Variants in OFD1 observed in about 807,000 individuals in gnomAD.
OFD1 encodes the protein OFD1 centriole and centriolar satellite protein.
Under a neutral mutation model 81.4 loss-of-function variants are expected in OFD1, and 12 were observed. That is an observed-to-expected ratio of 0.15 (90% confidence interval 0.09 to 0.24). OFD1 has a LOEUF of 0.24. OFD1 is among the 10% of genes least tolerant of loss of function. OFD1 has a pLI of 1.00. For synonymous variants in OFD1, 256 were observed against 263.7 expected (o/e 0.97, Z 0.28); for missense variants, 685 against 733.9 (o/e 0.93, Z 0.77).
intron 2 of OFD1, among the ~76,000 whole-genome samples, chrX:13,735,917 G>C (rs1027397178): frequency 4.0e-4 from 45 of 111,893 alleles, no homozygotes; most frequent in African/African-American, 1.5e-3. Context: ...CATATTTTAC[G>C]TTTAAAATAT....
At chrX:13,769,657 TAGAA>T (rs1169429034), downstream of OFD1, among the ~76,000 whole-genome samples, 10 of 111,948 alleles carry the variant, frequency 8.9e-5, no homozygotes, top group African/African-American at 3.2e-4. Flanking sequence ...CCCCGTGTGA[TAGAA>T]TTAAGAGGTG....
At position 13,736,318 on chromosome X, in the gene OFD1, A is replaced by G; in HGVS notation, c.112-160A>G. 2.7e-6 allele frequency: 3 copies of G among 1,093,008 alleles called. No homozygotes were observed. The South Asian group carries it at 6.8e-5, about 25-fold the overall frequency. 90.1% of individuals were successfully genotyped at this position (1,093,008 alleles called of 1,213,427 possible). A position where few individuals can be genotyped will look rare whatever the true frequency, so the allele number is the denominator to read the frequency against. ...CGGGGTAAGACAAAGTGTGCAGGGG[A>G]AGGTTTCTAACTTCTGGCCATGGAT... On this transcript the variant is annotated intron_variant, in intron 2 of 22. Transcript: ENST00000340096.
Position 13,755,206 on chromosome X carries a change from A to G in OFD1, c.1185A>G (p.Glu395=), listed in dbSNP as rs1414806076. 1.7e-6 allele frequency: 2 copies of G among 1,204,052 alleles called. No homozygotes were observed. Among genetic ancestry groups the G allele is most frequent in the East Asian group, 5.9e-5 (2 of 33,816 alleles). Residue 395 remains glutamate, a synonymous_variant, in exon 12 of 23, where the codon GAA becomes GAG. Coordinates refer to ENST00000340096, the MANE Select transcript of OFD1 (RefSeq NM_003611.3). The stretch of plus-strand genomic sequence containing the variant: ...TAGCTATTAATTCAAAAAAGGAGGA[A>G]CTCAATCAATCTGTAAATCGTGTGA... The part of the protein sequence containing the change: ...ELIAINSKKE[E]LNQSVNRVKE...
chrX:13,747,076 G>C, intron 8 of OFD1, 123 bp downstream of exon 8: 1 of 633,439 alleles, frequency 1.6e-6, no homozygotes, highest in Non-Finnish European at 2.6e-6. Flanking sequence ...TAGGGACTGG[G>C]GCCAAGAGTG....
intron 19 of OFD1, among the ~76,000 whole-genome samples, chrX:13,765,831 A>G (rs2048105432): frequency 8.9e-6 from 1 of 112,336 alleles, no homozygotes; most frequent in African/African-American, 3.2e-5. Flanking sequence ...CCTGGAAGGA[A>G]TAGAAGTGGA....
chrX:13,758,059 C>T (rs763333676), intron 14 of OFD1, among the ~76,000 whole-genome samples: 4 of 111,415 alleles, frequency 3.6e-5, no homozygotes, highest in Non-Finnish European at 7.5e-5. Context: ...TGTTATCTCT[C>T]GATTCTCACC....
At chrX:13,765,930 A>G (rs1397079886) in intron 19 of OFD1, among the ~76,000 whole-genome samples, 3 of 112,165 alleles carry the variant, frequency 2.7e-5, no homozygotes, top group African/African-American at 6.5e-5. Flanking sequence ...CTTCAGGAAT[A>G]AGGAGGAGGT....
chrX:13,723,187 C>A, the OFD1 span, among the ~76,000 whole-genome samples: 1 of 111,037 alleles, frequency 9.0e-6, no homozygotes, highest in Non-Finnish European at 1.9e-5. Context: ...GGCCACAGTA[C>A]TAGACAGCAC....
downstream of OFD1, chrX:13,771,933 A>G (rs1319585889): frequency 8.9e-6 from 1 of 112,623 alleles, no homozygotes; most frequent in African/African-American, 3.2e-5. Flanking sequence ...TAGGTTTTAG[A>G]TAGTTGGTAT....
chrX:13,743,993 T>A (rs2047200721), intron 5 of OFD1, among the ~76,000 whole-genome samples: 1 of 112,124 alleles, frequency 8.9e-6, no homozygotes. Flanking sequence ...TTTCTCAGAT[T>A]TATTAAAAGA....
Position 13,746,344 on chromosome X carries a change from T to A in OFD1, c.543T>A (p.Asp181Glu). 2.5e-6 allele frequency: 3 copies of A among 1,205,405 alleles called. No individual in the cohort carries two copies. Among genetic ancestry groups the A allele is most frequent in the Non-Finnish European group, 3.4e-6 (3 of 890,614 alleles). ...SLAEKLQLID[D>E]QFADAYPQRI... ...CTGAGAAGCTTCAGCTTATTGATGA[T>A]CAGTTTGCAGATGCTTACCCTCAGC... The change falls in exon 7 of 23, where the codon GAT becomes GAA. Residue 181 changes from aspartate to glutamate, a missense_variant. Transcript: ENST00000340096.
chrX:13,773,686 T>G (rs73451159), downstream of OFD1: 1,884 of 111,490 alleles, frequency 0.017, 35 homozygotes, highest in African/African-American at 0.059. Context: ...CGGCAAACAC[T>G]TCTTTCCTAT....
the OFD1 span, among the ~76,000 whole-genome samples, chrX:13,722,839 G>A: frequency 0.29 from 32,248 of 110,207 alleles, 3,594 homozygotes; most frequent in Non-Finnish European, 0.33. Flanking sequence ...CAAGGTGGGC[G>A]GATCACGAGG....
chrX:13,753,751 C>G (rs2047591097), intron 11 of OFD1, among the ~76,000 whole-genome samples: 1 of 111,932 alleles, frequency 8.9e-6, no homozygotes, highest in Non-Finnish European at 1.9e-5. Context: ...CAACTTATTG[C>G]TGTCAAGTAC....
At chrX:13,751,716 C>T (rs1307699677) in intron 10 of OFD1, among the ~76,000 whole-genome samples, 2 of 111,545 alleles carry the variant, frequency 1.8e-5, no homozygotes, top group Non-Finnish European at 3.8e-5. Context: ...CACTTGTAAT[C>T]CCAGCTACTG....
chrX:13,727,742 C>CT, the OFD1 span, among the ~76,000 whole-genome samples: 42 of 111,836 alleles, frequency 3.8e-4, no homozygotes, highest in African/African-American at 1.3e-3. Context: ...CAAGAAATAA[C>CT]TAAGATCAGA....
In OFD1 at chrX:13,734,833, GGT is replaced by G. The variant is rs1288436366; in HGVS notation, c.-238_-237del. On this transcript the variant is annotated 5_prime_UTR_variant, in exon 1 of 23. Coordinates refer to ENST00000340096, the MANE Select transcript of OFD1 (RefSeq NM_003611.3). ...TCCAGCCGCCTTTGAGTCGTGCCTG[GGT>G]CCTCGCCCTTGCCTCAGAACCGCGA... 4.5e-5 allele frequency: 49 copies of G among 1,079,183 alleles called. No individual in the cohort carries two copies. Among genetic ancestry groups the G allele is most frequent in the Non-Finnish European group, 5.7e-5 (48 of 838,013 alleles). 88.9% of individuals were successfully genotyped at this position (1,079,183 alleles called of 1,213,427 possible).
chrX:13,751,295 C>G lies in OFD1; in HGVS notation c.982C>G (p.Leu328Val). Residue 328 changes from leucine (L) to valine (V), a missense_variant, in exon 10 of 23, where the codon CTT (leucine) becomes GTT (valine). Around this residue, in one of 3 missense-constraint regions of OFD1, gnomAD observed 414 missense variants for 447.2 expected, o/e 0.93. Coordinates refer to ENST00000340096, the MANE Select transcript of OFD1 (RefSeq NM_003611.3). ...AAAACATAAAAGCATAACTGAGGCACTTAGGAGACAGGAGCAGAATATAAA... is the reference window on the plus strand; with the variant it reads ...AAAACATAAAAGCATAACTGAGGCAGTTAGGAGACAGGAGCAGAATATAAA... ...EEKHKSITEA[L>V]RRQEQNIKSF... 1 of 1,204,575 alleles carries G rather than the reference C, an allele frequency of 8.3e-7. No homozygotes were observed. Among genetic ancestry groups the G allele is most frequent in the South Asian group, 1.8e-5 (1 of 56,677 alleles).
chrX:13,757,856 A>T (rs2047771718), intron 14 of OFD1, 66 bp downstream of exon 14: 2 of 1,092,627 alleles, frequency 1.8e-6, no homozygotes, highest in Admixed American at 4.4e-5. Flanking sequence ...TAAACTTGGC[A>T]CAAGTCACAC....
Sources: gnomAD v4.1 joint callset for allele counts (sites outside exome capture counted in the v4.1 genomes callset) on GRCh38, gnomAD v4.1.1 for gene constraint, gnomAD v4.1.1 regional missense constraint, MANE v1.5 for transcripts, NCBI Gene and HGNC (gene_info 2026-07-23, HGNC 2026-07-21) for gene names.